The following MARCHF1 variants were observed in gnomAD, a reference collection of about 807,000 sequenced individuals.
The protein encoded by MARCHF1 is E3 ubiquitin-protein ligase MARCHF1.
MARCHF1 carries 40 observed loss-of-function variants against 54.2 expected under a neutral mutation model. The observed-to-expected ratio is 0.74, with a 90% CI of 0.57 to 0.96. The LOEUF (loss-of-function observed/expected upper bound fraction) is 0.96, where lower values mean the gene tolerates loss of function less well. MARCHF1 is among the 40% of genes least tolerant of loss of function. The pLI is 0.00. For missense variants in MARCHF1, 586 were observed against 656.5 expected (o/e 0.89, Z 1.17); for synonymous variants, 236 against 236.3 (o/e 1.00, Z 0.01).
rs1440699858 is a variant in MARCHF1 at position 163,528,349 on chromosome 4, C to T, written c.*399G>A. 1 of 163,576 alleles carries T rather than the reference C, an allele frequency of 6.1e-6. No individual in the cohort carries two copies. Among genetic ancestry groups the T allele is most frequent in the Non-Finnish European group, 1.3e-5 (1 of 75,628 alleles). The allele number at this position is 163,576 out of a possible 1,614,324, so 10.1% of individuals were successfully genotyped here. ...AGTTATTTCCAGATGAGACAGTTAA[C>T]ATTACAAGGCCCTAGAAGTAATACA... On this transcript the variant is annotated 3_prime_UTR_variant, in exon 10 of 10. Coordinates refer to ENST00000514618, the MANE Select transcript of MARCHF1 (RefSeq NM_001394959.1).
chr4:163,958,238 CAAGT>C (rs1208047456), intron 3 of MARCHF1, among the ~76,000 whole-genome samples: 22 of 128,388 alleles, frequency 1.7e-4, no homozygotes, highest in Admixed American at 1.5e-3. Context: ...GACTTTCAAT[CAAGT>C]GAGTGTGTGT....
At chr4:164,258,896 C>A (rs371080869) in intron 1 of MARCHF1, among the ~76,000 whole-genome samples, 2 of 152,110 alleles carry the variant, frequency 1.3e-5, no homozygotes, top group Non-Finnish European at 2.9e-5. Flanking sequence ...CTTTTGGGAA[C>A]CACATTCAGT....
At chr4:163,586,760 T>G (rs907923718) in intron 7 of MARCHF1, among the ~76,000 whole-genome samples, 1 of 152,238 alleles carries the variant, frequency 6.6e-6, no homozygotes, top group African/African-American at 2.4e-5. Context: ...TAAACTTTAT[T>G]GTGTTACTTT....
chr4:163,571,452 G>A (rs146398197), intron 8 of MARCHF1, among the ~76,000 whole-genome samples: 85 of 152,202 alleles, frequency 5.6e-4, no homozygotes, highest in African/African-American at 1.8e-3. Context: ...AATCGTAAGT[G>A]GATGTTACTG....
At chr4:164,179,727 CT>C (rs1217590148) in intron 1 of MARCHF1, among the ~76,000 whole-genome samples, 2 of 151,704 alleles carry the variant, frequency 1.3e-5, no homozygotes, top group Non-Finnish European at 2.9e-5. Context: ...AATATGTCTT[CT>C]CATTTGTAGT....
chr4:164,076,064 C>G (rs1314339306), intron 2 of MARCHF1, among the ~76,000 whole-genome samples: 1 of 151,966 alleles, frequency 6.6e-6, no homozygotes, highest in African/African-American at 2.4e-5. Flanking sequence ...AAAAGAAGTG[C>G]TTGGTCAAAT....
intron 2 of MARCHF1, among the ~76,000 whole-genome samples, chr4:163,994,872 A>G (rs969231231): frequency 2.0e-5 from 3 of 151,748 alleles, no homozygotes; most frequent in Admixed American, 6.6e-5. Context: ...TATTATTTTT[A>G]TGCCTTGTAA....
chr4:163,967,412 G>A (rs945361758), intron 3 of MARCHF1, among the ~76,000 whole-genome samples: 1 of 152,138 alleles, frequency 6.6e-6, no homozygotes, highest in African/African-American at 2.4e-5. Flanking sequence ...TTTTAACTTT[G>A]AAGATATGTT....
At chr4:164,069,224 C>T (rs1395689175) in intron 2 of MARCHF1, among the ~76,000 whole-genome samples, 1 of 152,130 alleles carries the variant, frequency 6.6e-6, no homozygotes, top group African/African-American at 2.4e-5. Context: ...CAAAACGGAC[C>T]AATCAGCTCT....
chr4:164,199,904 T>G (rs1387040214), intron 1 of MARCHF1, among the ~76,000 whole-genome samples: 1 of 152,180 alleles, frequency 6.6e-6, no homozygotes, highest in Non-Finnish European at 1.5e-5. Flanking sequence ...GGCACAGTAC[T>G]TCTAACTGTG....
At chr4:163,869,344 C>T (rs1196995232) in intron 3 of MARCHF1, among the ~76,000 whole-genome samples, 1 of 152,018 alleles carries the variant, frequency 6.6e-6, no homozygotes, top group East Asian at 1.9e-4. Flanking sequence ...TGCTCCATGA[C>T]CTTTGGCAGT....
intron 1 of MARCHF1, among the ~76,000 whole-genome samples, chr4:164,376,845 G>A (rs984852978): frequency 1.3e-5 from 2 of 152,278 alleles, no homozygotes; most frequent in African/African-American, 4.8e-5. Context: ...ATGATTGCCC[G>A]AGCCAGAGCC....
At chr4:164,280,197 CTTTAA>C (rs892011730) in intron 1 of MARCHF1, among the ~76,000 whole-genome samples, 74 of 151,994 alleles carry the variant, frequency 4.9e-4, no homozygotes, top group African/African-American at 1.7e-3. Flanking sequence ...ATATTGTCAA[CTTTAA>C]TTTATTATTG....
intron 3 of MARCHF1, among the ~76,000 whole-genome samples, chr4:163,924,962 A>T (rs1281431117): frequency 1.3e-5 from 2 of 151,848 alleles, no homozygotes; most frequent in African/African-American, 4.8e-5. Flanking sequence ...ATAAAATAAC[A>T]TCAGAGTGGC....
At chr4:163,586,892 A>T (rs1262459953) in intron 7 of MARCHF1, among the ~76,000 whole-genome samples, 1 of 152,236 alleles carries the variant, frequency 6.6e-6, no homozygotes, top group Admixed American at 6.5e-5. Flanking sequence ...TTAGCTTGAA[A>T]ATATTACAGA....
At chr4:164,188,054 C>T (rs1731018902) in intron 1 of MARCHF1, among the ~76,000 whole-genome samples, 1 of 152,188 alleles carries the variant, frequency 6.6e-6, no homozygotes, top group Non-Finnish European at 1.5e-5. Context: ...ATTTCTAGCA[C>T]TCCTTCAAAT....
In MARCHF1 at chr4:164,244,977, G is replaced by A. The variant is rs530637358; in HGVS notation, c.-322-133315C>T. Among the ~76,000 whole-genome samples, 576 of 152,102 alleles carry A rather than the reference G, an allele frequency of 3.8e-3. 1 individual carries two copies. Among genetic ancestry groups the A allele is most frequent in the African/African-American group, 0.013 (550 of 41,498 alleles). On this transcript the variant is annotated intron_variant, in intron 1 of 9. Transcript: ENST00000514618. ...TGTGGCAATAATCAATAGCTTACCAGCCAAAAAGAGTCCAGGACCAGATGG... is the reference window on the plus strand; with the variant it reads ...TGTGGCAATAATCAATAGCTTACCAACCAAAAAGAGTCCAGGACCAGATGG...
intron 1 of MARCHF1, among the ~76,000 whole-genome samples, chr4:164,185,468 T>G (rs1406665361): frequency 6.6e-6 from 1 of 152,194 alleles, no homozygotes; most frequent in Non-Finnish European, 1.5e-5. Flanking sequence ...TGTTACCATA[T>G]ACTAGCAAAA....
At chr4:164,041,981 C>T (rs143473316) in intron 2 of MARCHF1, among the ~76,000 whole-genome samples, 95 of 152,232 alleles carry the variant, frequency 6.2e-4, no homozygotes, top group African/African-American at 2.2e-3. Flanking sequence ...ACTCTCTTTT[C>T]CCTATTCACA....
Sources: gnomAD v4.1 joint callset for allele counts (sites outside exome capture counted in the v4.1 genomes callset) on GRCh38, gnomAD v4.1.1 for gene constraint, MANE v1.5 for transcripts, NCBI Gene and HGNC (gene_info 2026-07-23, HGNC 2026-07-21) for gene names.